The following GREB1 variants were observed in gnomAD, a reference collection of about 807,000 sequenced individuals.
The protein encoded by GREB1 is growth regulating estrogen receptor binding 1, also known as protein GREB1.
A neutral mutation model predicts 200.7 loss-of-function variants in GREB1; 106 were observed. That is an observed-to-expected ratio of 0.53 (90% CI 0.45 to 0.62). GREB1 has a LOEUF of 0.62. Among genes scored for constraint, GREB1 ranks in the 20% least tolerant of loss-of-function variants. The pLI is 0.00. For synonymous variants in GREB1, 1,132 were observed against 1,092.4 expected (o/e 1.04, Z -0.72); for missense variants, 2,243 against 2,556.8 (o/e 0.88, Z 2.65).
At position 11,632,925 on chromosome 2, in the gene GREB1, A is replaced by G; in HGVS notation, c.4853A>G (p.His1618Arg). Residue 1618 changes from histidine (H) to arginine (R), a missense_variant, in exon 28 of 33, where the codon CAT (histidine) becomes CGT (arginine). This residue lies in a region of GREB1 where 478 missense variants were observed against 616.3 expected (regional missense o/e 0.78). Transcript: ENST00000381486. ...AHFLIKELSY[H>R]NLELERNRQE... ...TTCCTCATCAAGGAGCTGTCCTACC[A>G]TAACCTGGAGCTCGAGCGGAACCGG... is the stretch of plus-strand genomic sequence containing the variant. The G allele has an allele frequency of 1.2e-6, 2 of 1,614,172 alleles. No homozygotes were observed. The highest frequency in any genetic ancestry group is 1.7e-6 in the Non-Finnish European group (2 of 1,180,022).
At chr2:11,608,971 C>G (rs1042939983) in intron 17 of GREB1, among the ~76,000 whole-genome samples, 2 of 152,186 alleles carry the variant, frequency 1.3e-5, no homozygotes, top group Admixed American at 6.5e-5. Context: ...GCTGGCTTCC[C>G]TCTTCCTGAG....
chr2:11,587,376 C>A, intron 9 of GREB1: 1 of 1,606,266 alleles, frequency 6.2e-7, no homozygotes, highest in Non-Finnish European at 8.5e-7. Context: ...CTCTTGCCCA[C>A]TGCAGTATTT....
At chr2:11,584,959 G>A (rs1343492527) in intron 7 of GREB1, 6 of 432,132 alleles carry the variant, frequency 1.4e-5, no homozygotes, top group South Asian at 4.6e-5. Flanking sequence ...GGGGTGAACC[G>A]GTCCAGGTCG....
chr2:11,587,320 A>G (rs1465548610), intron 9 of GREB1: 3 of 1,223,444 alleles, frequency 2.5e-6, no homozygotes, highest in East Asian at 4.7e-5. Flanking sequence ...TCCCTCTTTT[A>G]TGACAAATGT....
chr2:11,598,874 G>C lies in GREB1; in HGVS notation c.2333+14G>C. ...GGATCTTGTGAGGTTAGATTGACTT[G>C]ATATATGACAAGTTGACATTTTCCT... On this transcript the variant is annotated intron_variant, in intron 15 of 32. Transcript: ENST00000381486. 1 of 1,605,200 alleles carries C rather than the reference G, an allele frequency of 6.2e-7. No individual in the cohort carries two copies. Among genetic ancestry groups the C allele is most frequent in the Non-Finnish European group, 8.5e-7 (1 of 1,172,282 alleles).
rs2148402961 is a variant in GREB1 at position 11,627,067 on chromosome 2, A to G, written c.4412A>G (p.Gln1471Arg). The change falls in exon 25 of 33, where the codon CAG (glutamine) becomes CGG (arginine). Residue 1471 changes from glutamine to arginine, a missense_variant. This residue lies in a region of GREB1 where 587 missense variants were observed against 553.1 expected (regional missense o/e 1.06). Transcript: ENST00000381486. ...AAYNTYHHCE[Q>R]CHQYMGFHPR... ...TACAACACTTACCACCACTGTGAGC[A>G]GTGCCACCAGTACATGGGCTTCCAC... The G allele has an allele frequency of 6.2e-7, 1 of 1,612,524 alleles. No individual in the cohort carries two copies. The highest frequency in any genetic ancestry group is 8.5e-7 in the Non-Finnish European group (1 of 1,178,968).
intron 2 of GREB1, among the ~76,000 whole-genome samples, chr2:11,560,072 TC>T (rs1676843916): frequency 6.6e-6 from 1 of 152,192 alleles, no homozygotes; most frequent in Admixed American, 6.5e-5. Context: ...CATCTGGAAC[TC>T]CCGTGCAGCT....
chr2:11,574,828 AAGCG>A (rs1558568270), intron 4 of GREB1, among the ~76,000 whole-genome samples: 1 of 152,218 alleles, frequency 6.6e-6, no homozygotes. Flanking sequence ...GTCCCATGGA[AAGCG>A]AGCACATGGA....
chr2:11,549,920 A>G (rs1409590094), intron 1 of GREB1, among the ~76,000 whole-genome samples: 1 of 152,232 alleles, frequency 6.6e-6, no homozygotes, highest in Admixed American at 6.5e-5. Flanking sequence ...TAAGTCAAGC[A>G]TAGAAAGTTG....
At position 11,634,162 on chromosome 2, in the gene GREB1, T is replaced by C; in HGVS notation, c.5023T>C (p.Leu1675=). 1 of 1,614,218 alleles carries C rather than the reference T, an allele frequency of 6.2e-7. No individual in the cohort carries two copies. Among genetic ancestry groups the C allele is most frequent in the Non-Finnish European group, 8.5e-7 (1 of 1,180,028 alleles). ...EFSWSERNVS[L]KHIMQHIEAA... ...CTCCTGGTCGGAAAGGAACGTGTCT[T>C]TGAAGCACATCATGCAGCACATCGA... is the stretch of plus-strand genomic sequence containing the variant. The change falls in exon 29 of 33, where the codon TTG becomes CTG. Residue 1675 remains leucine (L), a synonymous_variant. Coordinates refer to ENST00000381486, the MANE Select transcript of GREB1 (RefSeq NM_014668.4).
At chr2:11,627,329 C>A (rs1335705933) in intron 25 of GREB1, among the ~76,000 whole-genome samples, 1 of 152,156 alleles carries the variant, frequency 6.6e-6, no homozygotes, top group Non-Finnish European at 1.5e-5. Flanking sequence ...GCCAAGTTAC[C>A]CGACCGTGGA....
chr2:11,514,758 A>G (rs1014601506), intron 1 of GREB1, among the ~76,000 whole-genome samples: 3 of 152,212 alleles, frequency 2.0e-5, no homozygotes, highest in Admixed American at 1.3e-4. Context: ...CCTCTTTGTT[A>G]TAGCATTTAT....
At chr2:11,556,859 T>C in intron 2 of GREB1, 88 bp downstream of exon 2, 1 of 983,304 alleles carries the variant, frequency 1.0e-6, no homozygotes, top group Non-Finnish European at 1.4e-6. Flanking sequence ...CTTTTCTTTA[T>C]GTAGATAACG....
intron 1 of GREB1, among the ~76,000 whole-genome samples, chr2:11,505,744 G>A (rs778142186): frequency 6.6e-5 from 10 of 152,094 alleles, no homozygotes; most frequent in Non-Finnish European, 1.5e-4. Context: ...CTACTGGGGA[G>A]GCTGAGATGG....
At chr2:11,572,505 C>T (rs1056987426) in intron 4 of GREB1, among the ~76,000 whole-genome samples, 17 of 152,150 alleles carry the variant, frequency 1.1e-4, no homozygotes, top group African/African-American at 4.1e-4. Context: ...TCACTTTGGT[C>T]CTAGAAGGAG....
In GREB1 at chr2:11,627,000, C is replaced by A. The variant is rs201275290; in HGVS notation, c.4345C>A (p.Arg1449=). Reference sequence around the variant, plus strand: ...CCGGAAGCCGGAGGACCTTTATGTGCGGCGTCAGACGGCACGGATGAGACT... The same window carrying A: ...CCGGAAGCCGGAGGACCTTTATGTGAGGCGTCAGACGGCACGGATGAGACT... The part of the protein sequence containing the change: ...MSRKPEDLYV[R]RQTARMRLSK... The change falls in exon 25 of 33, where the codon CGG becomes AGG. Residue 1449 remains arginine (R), a synonymous_variant. Coordinates refer to ENST00000381486, the MANE Select transcript of GREB1 (RefSeq NM_014668.4). 1.1e-5 allele frequency: 17 copies of A among 1,613,806 alleles called. No individual in the cohort carries two copies. The Admixed American group carries it at 1.8e-4, about 17-fold the overall frequency.
chr2:11,504,838 C>T (rs187385767), intron 1 of GREB1, among the ~76,000 whole-genome samples: 83 of 152,346 alleles, frequency 5.4e-4, no homozygotes, highest in African/African-American at 1.9e-3. Flanking sequence ...ATTCATTGAG[C>T]CCTTTCTTGT....
chr2:11,546,520 C>T (rs1224121321), intron 1 of GREB1, among the ~76,000 whole-genome samples: 1 of 152,082 alleles, frequency 6.6e-6, no homozygotes, highest in Admixed American at 6.6e-5. Flanking sequence ...TACATACATA[C>T]TTGAAGTGAA....
chr2:11,573,915 C>T (rs1032951556), intron 4 of GREB1, among the ~76,000 whole-genome samples: 4 of 152,198 alleles, frequency 2.6e-5, no homozygotes, highest in African/African-American at 7.2e-5. Flanking sequence ...GGTTTGACAG[C>T]CTGGCCTTGG....
Sources: allele counts gnomAD v4.1 joint callset (sites outside exome capture counted in the v4.1 genomes callset), GRCh38; gene constraint gnomAD v4.1.1; regional missense constraint gnomAD v4.1.1; transcripts MANE v1.5; gene names NCBI Gene and HGNC (gene_info 2026-07-23, HGNC 2026-07-21).